The following TLL2 variants were observed in gnomAD, a reference collection of about 807,000 sequenced individuals.
TLL2 encodes the protein tolloid like 2, also known as tolloid-like protein 2.
TLL2 carries 106 observed loss-of-function variants against 123.0 expected under a neutral mutation model. The observed-to-expected ratio is 0.86, with a 90% CI of 0.74 to 1.01. The LOEUF (loss-of-function observed/expected upper bound fraction) is 1.01. Among genes scored for constraint, TLL2 ranks in the 50% least tolerant of loss-of-function variants. TLL2 has a pLI of 0.00. For missense variants in TLL2, 1,332 were observed against 1,336.7 expected (o/e 1.00, Z 0.06); for synonymous variants, 494 against 516.8 (o/e 0.96, Z 0.60).
At chr10:96,483,842 T>C (rs1381744829) in intron 1 of TLL2, among the ~76,000 whole-genome samples, 8 of 152,158 alleles carry the variant, frequency 5.3e-5, no homozygotes, top group Admixed American at 1.3e-4. Context: ...ATGTGATTTA[T>C]TTTATTTATT....
chr10:96,449,361 A>T (rs1846931891), intron 2 of TLL2, among the ~76,000 whole-genome samples: 1 of 152,240 alleles, frequency 6.6e-6, no homozygotes, highest in African/African-American at 2.4e-5. Context: ...CCCAGGGGAT[A>T]CAAGGCATTG....
intron 13 of TLL2, among the ~76,000 whole-genome samples, chr10:96,391,157 C>A (rs111779769): frequency 6.6e-6 from 1 of 152,108 alleles, no homozygotes; most frequent in Non-Finnish European, 1.5e-5. Flanking sequence ...GGAGGCAGAG[C>A]AGGCAGCAGG....
At chr10:96,391,249 T>A (rs867060162) in intron 13 of TLL2, among the ~76,000 whole-genome samples, 16 of 152,234 alleles carry the variant, frequency 1.1e-4, no homozygotes, top group Admixed American at 7.2e-4. Context: ...AGGTATTTAC[T>A]GAGCCTACTG....
At chr10:96,513,452 C>CACCT in intron 1 of TLL2, 59 bp downstream of exon 1, 1 of 1,603,502 alleles carries the variant, frequency 6.2e-7, no homozygotes, top group Admixed American at 1.7e-5. Context: ...GCTTGCCCAC[C>CACCT]ACCTCATTTG....
At position 96,397,262 on chromosome 10, in the gene TLL2, G is replaced by A; in HGVS notation, c.1308C>T (p.Ser436=). 6.2e-7 allele frequency: 1 copy of A among 1,613,828 alleles called. No homozygotes were observed. Among genetic ancestry groups the A allele is most frequent in the Non-Finnish European group, 8.5e-7 (1 of 1,179,832 alleles). The change falls in exon 11 of 21, where the codon TCC becomes TCT. Residue 436 remains serine (S), a synonymous_variant. Transcript: ENST00000357947. ...CGDKIPEPLV[S]TDSRLWVEFR... is the part of the protein sequence containing the mutation. ...ACTCCACCCAGAGCCGGCTGTCCGT[G>A]GAGACGAGGGGCTCCGGGATCTTAT...
At chr10:96,453,696 A>G (rs907256093) in intron 2 of TLL2, among the ~76,000 whole-genome samples, 12 of 152,232 alleles carry the variant, frequency 7.9e-5, no homozygotes, top group Non-Finnish European at 1.5e-4. Context: ...TGCTCGGATT[A>G]TAAGTCAAAA....
At chr10:96,369,201 T>TG (rs1846054968) in intron 20 of TLL2, among the ~76,000 whole-genome samples, 1 of 152,148 alleles carries the variant, frequency 6.6e-6, no homozygotes, top group South Asian at 2.1e-4. Context: ...ACTGGGACAC[T>TG]GTACTGGCCA....
Position 96,481,610 on chromosome 10 carries a change from G to A in TLL2, c.176-1151C>T, listed in dbSNP as rs575775201. 5.3e-5 allele frequency among the ~76,000 whole-genome samples: 8 copies of A among 152,310 alleles called. No individual in the cohort carries two copies. The South Asian group carries it at 1.7e-3, about 32-fold the overall frequency. The stretch of plus-strand genomic sequence containing the variant: ...CTCTATGTTATGCAGTGACGGTGAC[G>A]AAGTATTTAGTCAAAGTGTTGCCTG... On this transcript the variant is annotated intron_variant, in intron 1 of 20. Transcript: ENST00000357947.
chr10:96,398,868 C>CTTTTTTTTT (rs3033618), intron 10 of TLL2, among the ~76,000 whole-genome samples: 2 of 107,746 alleles, frequency 1.9e-5, no homozygotes, highest in Non-Finnish European at 3.6e-5. Flanking sequence ...TGAAAATATT[C>CTTTTTTTTT]TTTTTTTTTT....
intron 2 of TLL2, among the ~76,000 whole-genome samples, chr10:96,462,742 T>G (rs1237300119): frequency 6.6e-6 from 1 of 152,220 alleles, no homozygotes; most frequent in African/African-American, 2.4e-5. Context: ...AACTCATGCC[T>G]GAATGAAATT....
chr10:96,373,629 G>A lies in TLL2; in HGVS notation c.2629C>T (p.Gln877Ter). Residue 877 changes from glutamine (Q) to a stop codon, truncating the protein, a stop_gained, in exon 19 of 21, where the codon CAG (glutamine) becomes TAG (stop). Transcript: ENST00000357947. LOFTEE classifies it high-confidence loss of function. ...FLRFYSDASV[Q>*]RKGFQAVHST... ...TGCACTGCCTGGAAGCCTTTCCTCT[G>A]CACTGAGGCATCCGAATAAAACCTG... 1 of 1,614,218 alleles carries A rather than the reference G, an allele frequency of 6.2e-7. No individual in the cohort carries two copies. Among genetic ancestry groups the A allele is most frequent in the Non-Finnish European group, 8.5e-7 (1 of 1,180,038 alleles).
chr10:96,459,655 G>C (rs1033408664), intron 2 of TLL2, among the ~76,000 whole-genome samples: 1 of 93,008 alleles, frequency 1.1e-5, no homozygotes. Flanking sequence ...GAGTGACAGA[G>C]CAAGATCCTG....
At chr10:96,405,850 T>C (rs997772617) in intron 9 of TLL2, among the ~76,000 whole-genome samples, 1 of 152,184 alleles carries the variant, frequency 6.6e-6, no homozygotes, top group Non-Finnish European at 1.5e-5. Context: ...CATTCTTTCA[T>C]TCACTCCACC....
At position 96,422,629 on chromosome 10, in the gene TLL2, T is replaced by TGGCC; in HGVS notation, c.733_736dup (p.His246ArgfsTer9). 6.2e-7 allele frequency: 1 copy of TGGCC among 1,614,202 alleles called. No homozygotes were observed. The highest frequency in any genetic ancestry group is 8.5e-7 in the Non-Finnish European group (1 of 1,180,034). The stretch of plus-strand genomic sequence containing the variant: ...GTGTTCATGCCAAAACCCAACCACA[T>TGGCC]GGCCCAGCTCGTGAGCCACAATGCC... On this transcript the variant is annotated frameshift_variant, in exon 6 of 21. Transcript: ENST00000357947. LOFTEE classifies it high-confidence loss of function.
chr10:96,403,716 A>C lies in TLL2; in HGVS notation c.1267+1516T>G, dbSNP rs549832524. ...AGGGTCTGTGCTGAGGTGGATTAGT[A>C]AAAGAGGAAAGCCTCTTGCAGTTGA... On this transcript the variant is annotated intron_variant, in intron 10 of 20. Coordinates refer to ENST00000357947, the MANE Select transcript of TLL2 (RefSeq NM_012465.4). Among the ~76,000 whole-genome samples the C allele has an allele frequency of 3.3e-5, 5 of 152,214 alleles. No individual in the cohort carries two copies. The South Asian group carries it at 8.3e-4, about 25-fold the overall frequency.
intron 11 of TLL2, 134 bp from the exon 12 acceptor site, chr10:96,396,154 G>C: frequency 9.8e-7 from 1 of 1,023,504 alleles, no homozygotes; most frequent in Non-Finnish European, 1.4e-6. Context: ...TTCATCTCCA[G>C]CCCACAAACA....
At chr10:96,449,256 C>T (rs1846930738) in intron 2 of TLL2, among the ~76,000 whole-genome samples, 1 of 152,096 alleles carries the variant, frequency 6.6e-6, no homozygotes, top group Admixed American at 6.5e-5. Context: ...GGAGGTGGGT[C>T]CTGTCTGACC....
At chr10:96,440,075 C>T (rs1846836203) in intron 3 of TLL2, among the ~76,000 whole-genome samples, 1 of 152,198 alleles carries the variant, frequency 6.6e-6, no homozygotes, top group African/African-American at 2.4e-5. Context: ...GCTAGAATCT[C>T]TCTCCCCCTT....
At chr10:96,469,034 A>G (rs993134877) in intron 2 of TLL2, among the ~76,000 whole-genome samples, 1 of 152,250 alleles carries the variant, frequency 6.6e-6, no homozygotes, top group African/African-American at 2.4e-5. Flanking sequence ...CACTAAATTC[A>G]AAACTTCATG....
Sources: allele counts gnomAD v4.1 joint callset (sites outside exome capture counted in the v4.1 genomes callset), GRCh38; gene constraint gnomAD v4.1.1; transcripts MANE v1.5; gene names NCBI Gene and HGNC (gene_info 2026-07-23, HGNC 2026-07-21).